The following RBPMS variants were observed in gnomAD, a reference collection of about 807,000 sequenced individuals.
The protein encoded by RBPMS is RNA-binding protein with multiple splicing.
In RBPMS, 7 loss-of-function variants were observed where a neutral mutation model predicts 26.8. The observed-to-expected ratio is 0.26, with a 90% CI of 0.15 to 0.49. The LOEUF (loss-of-function observed/expected upper bound fraction) is 0.49. Ranked by LOEUF, RBPMS falls within the 20% of genes least tolerant of loss-of-function variation. The probability of loss-of-function intolerance (pLI) is 0.98; values close to 1 mark genes in which losing one functional copy is unlikely to be tolerated. For synonymous variants in RBPMS, 96 were observed against 93.3 expected, an observed-to-expected ratio of 1.03 and a Z score of -0.17; for missense variants, 186 against 250.0, an observed-to-expected ratio of 0.74 and a Z score of 1.73.
intron 5 of RBPMS, among the ~76,000 whole-genome samples, chr8:30,512,466 T>C (rs1386226414): frequency 1.3e-5 from 2 of 152,082 alleles, no homozygotes; most frequent in East Asian, 3.9e-4. Flanking sequence ...TTTTTGTTGT[T>C]GTTTGGGTTT....
intron 4 of RBPMS, among the ~76,000 whole-genome samples, chr8:30,494,758 G>A (rs1175472111): frequency 6.6e-6 from 1 of 152,190 alleles, no homozygotes. Context: ...TTTGCCAGTT[G>A]TAGAAGGGGA....
intron 5 of RBPMS, among the ~76,000 whole-genome samples, chr8:30,522,305 A>G (rs571259729): frequency 6.7e-5 from 10 of 150,108 alleles, no homozygotes; most frequent in African/African-American, 2.2e-4. Flanking sequence ...CTGGGCAACA[A>G]GAAAGAAACT....
intron 4 of RBPMS, among the ~76,000 whole-genome samples, chr8:30,493,449 G>A (rs1343748329): frequency 6.6e-6 from 1 of 152,094 alleles, no homozygotes; most frequent in Non-Finnish European, 1.5e-5. Context: ...CACCAGCCAC[G>A]TTTGGTGTTT....
intron 1 of RBPMS, among the ~76,000 whole-genome samples, chr8:30,430,370 C>T (rs1811799506): frequency 1.3e-5 from 2 of 152,150 alleles, no homozygotes; most frequent in Non-Finnish European, 2.9e-5. Flanking sequence ...TGGTTCTATT[C>T]TGTAACATGG....
chr8:30,389,768 AAG>A (rs1307046078), intron 1 of RBPMS, among the ~76,000 whole-genome samples: 3 of 152,150 alleles, frequency 2.0e-5, no homozygotes, highest in Admixed American at 6.5e-5. Context: ...TCCGTTTTTA[AAG>A]AGAAAAATAC....
chr8:30,455,489 G>T (rs1291880672), intron 1 of RBPMS, among the ~76,000 whole-genome samples: 1 of 152,168 alleles, frequency 6.6e-6, no homozygotes, highest in African/African-American at 2.4e-5. Flanking sequence ...GAGTACAGAA[G>T]AGAAAAAGAA....
At chr8:30,522,093 ATG>A (rs1382225782) in intron 5 of RBPMS, among the ~76,000 whole-genome samples, 1 of 151,878 alleles carries the variant, frequency 6.6e-6, no homozygotes, top group African/African-American at 2.4e-5. Flanking sequence ...AGTAATGCTT[ATG>A]TTAATTAACT....
chr8:30,444,463 T>C (rs1318773110), intron 1 of RBPMS, among the ~76,000 whole-genome samples: 1 of 152,156 alleles, frequency 6.6e-6, no homozygotes, highest in East Asian at 1.9e-4. Context: ...GATTAGAGGT[T>C]GTGGAGTCAT....
At chr8:30,485,120 A>G (rs1046126545) in intron 4 of RBPMS, among the ~76,000 whole-genome samples, 1 of 152,186 alleles carries the variant, frequency 6.6e-6, no homozygotes, top group Non-Finnish European at 1.5e-5. Context: ...GGCAGTCAAG[A>G]CCTGCACTGG....
chr8:30,482,376 G>A (rs1818367569), intron 4 of RBPMS, among the ~76,000 whole-genome samples: 1 of 152,256 alleles, frequency 6.6e-6, no homozygotes, highest in East Asian at 1.9e-4. Flanking sequence ...AAATTTCTCT[G>A]TGTATAATAC....
intron 1 of RBPMS, among the ~76,000 whole-genome samples, chr8:30,462,805 A>G (rs1816077460): frequency 6.6e-6 from 1 of 152,096 alleles, no homozygotes; most frequent in Non-Finnish European, 1.5e-5. Flanking sequence ...GATGGGCCAA[A>G]AGTTGACTGA....
At chr8:30,388,001 T>G (rs1275665725) in intron 1 of RBPMS, among the ~76,000 whole-genome samples, 1 of 152,152 alleles carries the variant, frequency 6.6e-6, no homozygotes, top group Non-Finnish European at 1.5e-5. Context: ...ATTGAAAACT[T>G]TGAGGAAAAA....
chr8:30,395,461 C>CAAAAAAAAAAAAAAAAAAAAAA (rs55914538), intron 1 of RBPMS, among the ~76,000 whole-genome samples: 1 of 43,798 alleles, frequency 2.3e-5, no homozygotes, highest in Non-Finnish European at 3.4e-5. Context: ...GACTCTGTCT[C>CAAAAAAAAAAAAAAAAAAAAAA]AAAAAAAAAA....
Position 30,445,252 on chromosome 8 carries a change from G to A in RBPMS, c.67-29527G>A, listed in dbSNP as rs1398245181. 2.0e-5 allele frequency: 3 copies of A among 152,078 alleles called. No homozygotes were observed. The East Asian group carries it at 5.8e-4, about 29-fold the overall frequency. 9.4% of individuals were successfully genotyped at this position (152,078 alleles called of 1,614,324 possible). ...TACCCAGTCTAAGCCTGATCAAAAG[G>A]ACAATGTGGGAATGCATGAAAGAAT... On this transcript the variant is annotated intron_variant, in intron 1 of 8. Transcript: ENST00000397323.
chr8:30,556,468 C>T, intron 6 of RBPMS: 6 of 985,896 alleles, frequency 6.1e-6, no homozygotes, highest in Non-Finnish European at 7.2e-6. Context: ...AAAGCAGAAC[C>T]ATGCCATCCA....
At chr8:30,455,053 T>C (rs1391760391) in intron 1 of RBPMS, among the ~76,000 whole-genome samples, 1 of 152,168 alleles carries the variant, frequency 6.6e-6, no homozygotes, top group East Asian at 1.9e-4. Context: ...GAATTCCTGA[T>C]CTCAAGTGAT....
At chr8:30,535,870 G>T (rs1824739488) in intron 5 of RBPMS, among the ~76,000 whole-genome samples, 1 of 152,192 alleles carries the variant, frequency 6.6e-6, no homozygotes, top group Non-Finnish European at 1.5e-5. Flanking sequence ...TATCTGGAAG[G>T]CTGAGGAGAG....
At chr8:30,551,699 G>A (rs759574419) in intron 6 of RBPMS, among the ~76,000 whole-genome samples, 5 of 152,144 alleles carry the variant, frequency 3.3e-5, no homozygotes, top group Non-Finnish European at 5.9e-5. Flanking sequence ...ATTAACAACC[G>A]CGTGGCCCAA....
intron 7 of RBPMS, among the ~76,000 whole-genome samples, chr8:30,560,879 A>G (rs563590460): frequency 7.9e-5 from 12 of 152,318 alleles, no homozygotes; most frequent in African/African-American, 2.9e-4. Context: ...AGAGGCCCCC[A>G]TATATAGAGA....
Sources: allele counts gnomAD v4.1 joint callset (sites outside exome capture counted in the v4.1 genomes callset), GRCh38; gene constraint gnomAD v4.1.1; transcripts MANE v1.5; gene names NCBI Gene and HGNC (gene_info 2026-07-23, HGNC 2026-07-21).